PCDHA9: variants seen among roughly 807,000 people sequenced by gnomAD.
The protein encoded by PCDHA9 is protocadherin alpha 9, also known as protocadherin alpha-9.
In PCDHA9, 62 loss-of-function variants were observed where a neutral mutation model predicts 62.0. The ratio of observed to expected loss-of-function variants is 1.00; its 90% confidence interval spans 0.81 to 1.23. PCDHA9 has a LOEUF of 1.23. Ranked by LOEUF, PCDHA9 falls within the 50% of genes most tolerant of loss-of-function variation. The pLI, the probability that PCDHA9 is intolerant of heterozygous loss-of-function variation, is 0.00. For synonymous variants in PCDHA9, 557 were observed against 567.6 expected, an observed-to-expected ratio of 0.98 and a Z score of 0.27; for missense variants, 1,205 against 1,249.8, an observed-to-expected ratio of 0.96 and a Z score of 0.54.
chr5:140,875,854 G>C, intron 1 of PCDHA9: 1 of 1,614,160 alleles, frequency 6.2e-7, no homozygotes. Context: ...GGACATTAAC[G>C]ACAACCCGCC....
intron 3 of PCDHA9, among the ~76,000 whole-genome samples, chr5:140,990,426 G>A (rs3756324): frequency 0.3 from 46,292 of 152,022 alleles, 7,253 homozygotes; most frequent in East Asian, 0.43. Flanking sequence ...AACCAGCATT[G>A]ACCCAATCTT....
Position 140,849,357 on chromosome 5 carries a change from G to A in PCDHA9, c.862G>A (p.Asp288Asn). 6.9e-7 allele frequency: 1 copy of A among 1,458,086 alleles called. No individual in the cohort carries two copies. The highest frequency in any genetic ancestry group is 9.4e-7 in the Non-Finnish European group (1 of 1,065,872). 90.3% of individuals were successfully genotyped at this position (1,458,086 alleles called of 1,614,324 possible). ...CTCCTTCTCCAGTGATGTTTCTCCA[G>A]ATATAAAATCCAAGTTCCACATGGA... ...IYSFSSDVSP[D>N]IKSKFHMDPL... Residue 288 changes from aspartate to asparagine, a missense_variant, in exon 1 of 4, where the codon GAT (aspartate) becomes AAT (asparagine). By Grantham distance (23) the Asp-to-Asn change is conservative. Coordinates refer to ENST00000532602, the MANE Select transcript of PCDHA9 (RefSeq NM_031857.2).
intron 1 of PCDHA9, among the ~76,000 whole-genome samples, chr5:140,958,528 G>T (rs961967514): frequency 4.6e-5 from 7 of 152,112 alleles, no homozygotes; most frequent in Non-Finnish European, 8.8e-5. Flanking sequence ...TATACTATGT[G>T]TACATTGATT....
At chr5:140,898,112 G>A (rs1308883558) in intron 1 of PCDHA9, among the ~76,000 whole-genome samples, 1 of 152,046 alleles carries the variant, frequency 6.6e-6, no homozygotes, top group African/African-American at 2.4e-5. Flanking sequence ...TGAGTAGGTT[G>A]CGAAAATTTT....
chr5:140,961,622 A>G (rs2095624628), intron 1 of PCDHA9, among the ~76,000 whole-genome samples: 1 of 152,218 alleles, frequency 6.6e-6, no homozygotes, highest in Non-Finnish European at 1.5e-5. Flanking sequence ...AAGTGCCCAT[A>G]TGAAAAACAA....
chr5:140,856,399 T>G (rs782023286), intron 1 of PCDHA9: 1 of 1,598,492 alleles, frequency 6.3e-7, no homozygotes, highest in Non-Finnish European at 8.6e-7. Flanking sequence ...AGGTTTTCCA[T>G]GTGGACGTGG....
chr5:140,851,370 T>C, intron 1 of PCDHA9: 2 of 979,252 alleles, frequency 2.0e-6, no homozygotes, highest in South Asian at 4.7e-5. Flanking sequence ...AACATCTGAT[T>C]GTTCAGCAAC....
In PCDHA9 at chr5:140,952,330, C is replaced by A. The variant is rs564242872; in HGVS notation, c.2395-26619C>A. On this transcript the variant is annotated intron_variant, in intron 1 of 3. Transcript: ENST00000532602. ...TCCAGCCTGGGCAACAAGAGTGAAACTCCATCTCAAAAAAAAAAAAAAAAG... is the reference window on the plus strand; with the variant it reads ...TCCAGCCTGGGCAACAAGAGTGAAAATCCATCTCAAAAAAAAAAAAAAAAG... Among the ~76,000 whole-genome samples the A allele has an allele frequency of 2.2e-4, 26 of 120,342 alleles. No individual in the cohort carries two copies. The South Asian group carries it at 3.3e-3, about 15-fold the overall frequency. The allele number at this position is 120,342 out of a possible 152,430, so 78.9% of individuals were successfully genotyped here. A position where few individuals can be genotyped will look rare whatever the true frequency, so the allele number is the denominator to read the frequency against.
rs2150483795 is a variant in PCDHA9, at chr5:140,850,426, G to A, written c.1931G>A (p.Arg644His). The A allele has an allele frequency of 6.3e-7, 1 of 1,597,836 alleles. No individual in the cohort carries two copies. Among genetic ancestry groups the A allele is most frequent in the Non-Finnish European group, 8.6e-7 (1 of 1,167,662 alleles). Residue 644 changes from arginine to histidine, a missense_variant, in exon 1 of 4, where the codon CGC becomes CAC. Around this residue, in one of 3 missense-constraint regions of PCDHA9, gnomAD observed 887 missense variants for 809.5 expected, o/e 1.10. Coordinates refer to ENST00000532602, the MANE Select transcript of PCDHA9 (RefSeq NM_031857.2). Reference sequence around the variant, plus strand: ...GCCCTGGACGAAACGGACGCACCGCGCCAGCGCCTACTGGTGCTGGTGAAA... The same window carrying A: ...GCCCTGGACGAAACGGACGCACCGCACCAGCGCCTACTGGTGCTGGTGAAA... ...TRALDETDAP[R>H]QRLLVLVKDH...
chr5:140,877,161 G>C (rs2056901330), intron 1 of PCDHA9: 1 of 1,613,828 alleles, frequency 6.2e-7, no homozygotes, highest in Non-Finnish European at 8.5e-7. Context: ...ACAACGCGCC[G>C]GCACTGCTGG....
chr5:140,949,978 C>T (rs557456282), intron 1 of PCDHA9, among the ~76,000 whole-genome samples: 1 of 151,916 alleles, frequency 6.6e-6, no homozygotes, highest in East Asian at 1.9e-4. Context: ...AGCATACATA[C>T]TTAACTTTTC....
At chr5:140,877,821 T>A in intron 1 of PCDHA9, 1 of 1,603,344 alleles carries the variant, frequency 6.2e-7, no homozygotes, top group East Asian at 2.2e-5. Flanking sequence ...GAGAAGATTG[T>A]TTAAATCCTC....
chr5:140,863,377 G>C (rs782482597), intron 1 of PCDHA9: 1 of 1,100,622 alleles, frequency 9.1e-7, no homozygotes, highest in African/African-American at 1.6e-5. Context: ...GCAGCTCACC[G>C]AGAGCTCGTG....
chr5:140,875,694 T>C, intron 1 of PCDHA9: 1 of 1,614,008 alleles, frequency 6.2e-7, no homozygotes, highest in South Asian at 1.1e-5. Flanking sequence ...ACGGGGACCT[T>C]CTGGAGGTAA....
intron 3 of PCDHA9, among the ~76,000 whole-genome samples, chr5:141,008,680 T>C (rs2098386787): frequency 6.6e-6 from 1 of 152,220 alleles, no homozygotes; most frequent in Non-Finnish European, 1.5e-5. Flanking sequence ...ATACTTTAGT[T>C]ATTGCATGTA....
At position 140,857,447 on chromosome 5, in the gene PCDHA9, A is replaced by G; in HGVS notation, c.2394+6558A>G. On this transcript the variant is annotated intron_variant, in intron 1 of 3. Transcript: ENST00000532602. ...GTACACGGTGTTCGTGAAGGAGAACAACCCGCCAGGCTGCCACATCTTCAC... is the reference window on the plus strand; with the variant it reads ...GTACACGGTGTTCGTGAAGGAGAACGACCCGCCAGGCTGCCACATCTTCAC... 2 of 1,598,502 alleles carry G rather than the reference A, an allele frequency of 1.3e-6. 1 individual carries two copies. The highest frequency in any genetic ancestry group is 1.7e-6 in the Non-Finnish European group (2 of 1,167,850).
At chr5:140,866,347 A>G (rs1554160242) in intron 1 of PCDHA9, 2 of 152,140 alleles carry the variant, frequency 1.3e-5, no homozygotes, top group Admixed American at 6.5e-5. Context: ...GGATTCAAGA[A>G]ATGTTTACAA....
chr5:141,005,659 G>A (rs963015988), intron 3 of PCDHA9, among the ~76,000 whole-genome samples: 2 of 123,926 alleles, frequency 1.6e-5, no homozygotes, highest in South Asian at 2.6e-4. Flanking sequence ...TCGAGATCGC[G>A]CCACTGCACT....
At chr5:140,960,068 T>C (rs144291604) in intron 1 of PCDHA9, among the ~76,000 whole-genome samples, 1 of 152,358 alleles carries the variant, frequency 6.6e-6, no homozygotes, top group African/African-American at 2.4e-5. Flanking sequence ...GAAGATTCAA[T>C]TGAAGTTTCT....
Sources: allele counts gnomAD v4.1 joint callset (sites outside exome capture counted in the v4.1 genomes callset), GRCh38; gene constraint gnomAD v4.1.1; regional missense constraint gnomAD v4.1.1; transcripts MANE v1.5; gene names NCBI Gene and HGNC (gene_info 2026-07-23, HGNC 2026-07-21).